Variants in SLC5A3 observed in about 807,000 individuals in gnomAD.
SLC5A3 encodes solute carrier family 5 member 3.
A neutral mutation model predicts 43.2 loss-of-function variants in SLC5A3; 10 were observed. The observed-to-expected ratio is 0.23, with a 90% confidence interval of 0.14 to 0.39. SLC5A3 has a LOEUF of 0.39. SLC5A3 is among the 10% of genes least tolerant of loss of function. The pLI is 1.00. For missense variants in SLC5A3, 608 were observed against 893.4 expected (o/e 0.68, Z 4.07); for synonymous variants, 349 against 322.0 (o/e 1.08, Z -0.90).
chr21:34,088,854 CTTAGG>C (rs1367825047), intron 1 of SLC5A3, among the ~76,000 whole-genome samples: 5 of 151,374 alleles, frequency 3.3e-5, no homozygotes, highest in African/African-American at 7.3e-5. Context: ...GGTGTTAGGA[CTTAGG>C]TTAGTGTAAG....
intron 1 of SLC5A3, among the ~76,000 whole-genome samples, chr21:34,078,349 G>A (rs1325364261): frequency 6.6e-6 from 1 of 152,138 alleles, no homozygotes; most frequent in Non-Finnish European, 1.5e-5. Context: ...TATTGAAGAA[G>A]GAAGGAGTCC....
rs80046109 is a variant in SLC5A3 at position 34,082,447 on chromosome 21, G to A, written c.-337+8702G>A. 1.7e-3 allele frequency among the ~76,000 whole-genome samples: 254 copies of A among 152,162 alleles called. 1 individual carries two copies. The highest frequency in any genetic ancestry group is 5.9e-3 in the African/African-American group (245 of 41,468). On this transcript the variant is annotated intron_variant, in intron 1 of 1. Transcript: ENST00000381151. Reference sequence around the variant, plus strand: ...GATATCTTGTTTTAGGCATGTATTAGTACTATTTGGTTTGTACCCGTTGTA... The same window carrying A: ...GATATCTTGTTTTAGGCATGTATTAATACTATTTGGTTTGTACCCGTTGTA...
chr21:34,095,380 G>T lies in SLC5A3; in HGVS notation c.182G>T (p.Gly61Val). The change falls in exon 2 of 2, where the codon GGG (glycine) becomes GTG (valine). Residue 61 changes from glycine to valine, a missense_variant. Gly to Val is a moderately radical substitution (Grantham distance 109, BLOSUM62 -3). This residue lies in a region of SLC5A3 where 398 missense variants were observed against 668.6 expected (regional missense o/e 0.60). Coordinates refer to ENST00000381151, the MANE Select transcript of SLC5A3 (RefSeq NM_006933.7). Reference protein sequence around the residue: ...IGASLFVSNIGSEHFIGLAGS... With the variant: ...IGASLFVSNIVSEHFIGLAGS... ...GCCTCTCTGTTTGTGAGCAATATTG[G>T]GAGTGAGCACTTCATTGGGCTGGCA... The T allele has an allele frequency of 6.2e-7, 1 of 1,614,124 alleles. No individual in the cohort carries two copies. Among genetic ancestry groups the T allele is most frequent in the Non-Finnish European group, 8.5e-7 (1 of 1,180,004 alleles).
At position 34,103,196 on chromosome 21, in the gene SLC5A3, G is replaced by A. The variant is rs1979324043; in HGVS notation, c.*5841G>A. The stretch of plus-strand genomic sequence containing the variant: ...TATAACCAGCTTTTGAAATTTATGT[G>A]TTTGGATTAGTGCCTTCTGGTTACC... On this transcript the variant is annotated 3_prime_UTR_variant, in exon 2 of 2. Transcript: ENST00000381151. The A allele has an allele frequency of 1.0e-6, 1 of 999,626 alleles. No individual in the cohort carries two copies. The highest frequency in any genetic ancestry group is 1.8e-5 in the African/African-American group (1 of 57,090). 61.9% of individuals were successfully genotyped at this position (999,626 alleles called of 1,614,324 possible).
Position 34,099,518 on chromosome 21 carries a change from A to G in SLC5A3, c.*2163A>G, listed in dbSNP as rs1979134205. 1.0e-6 allele frequency: 1 copy of G among 998,462 alleles called. No individual in the cohort carries two copies. Among genetic ancestry groups the G allele is most frequent in the Non-Finnish European group, 1.2e-6 (1 of 828,536 alleles). The allele number at this position is 998,462 out of a possible 1,614,324, so 61.9% of individuals were successfully genotyped here. On this transcript the variant is annotated 3_prime_UTR_variant, in exon 2 of 2. Transcript: ENST00000381151. ...ACTAAAATTTTCTTTGAACCACATT[A>G]CTGTGTAATTCACTGATAATTGACA...
At chr21:34,081,610 C>T (rs1312795289) in intron 1 of SLC5A3, among the ~76,000 whole-genome samples, 2 of 152,116 alleles carry the variant, frequency 1.3e-5, no homozygotes, top group Non-Finnish European at 2.9e-5. Context: ...TGGATTGTAG[C>T]ACCTACTTCC....
In SLC5A3 at chr21:34,095,501, C is replaced by T. The variant is rs371000130; in HGVS notation, c.303C>T (p.Tyr101=). Reference sequence around the variant, plus strand: ...TGGGATGGGTTTTCATCCCAATTTACATCCGGTCAGGGGTATATACCATGC... The same window carrying T: ...TGGGATGGGTTTTCATCCCAATTTATATCCGGTCAGGGGTATATACCATGC... The part of the protein sequence containing the change: ...QLLGWVFIPI[Y]IRSGVYTMPE... Residue 101 remains tyrosine (Y), a synonymous_variant, in exon 2 of 2, where the codon TAC becomes TAT. Coordinates refer to ENST00000381151, the MANE Select transcript of SLC5A3 (RefSeq NM_006933.7). 3.1e-6 allele frequency: 5 copies of T among 1,614,082 alleles called. No individual in the cohort carries two copies. In the Admixed American group the frequency reaches 6.7e-5, roughly 22 times the overall value.
intron 1 of SLC5A3, among the ~76,000 whole-genome samples, chr21:34,082,022 C>A (rs1469808910): frequency 1.3e-5 from 2 of 151,280 alleles, no homozygotes; most frequent in African/African-American, 4.9e-5. Context: ...CTTCCTCCTA[C>A]CAGCCAGAAA....
At position 34,103,775 on chromosome 21, in the gene SLC5A3, A is replaced by G. The variant is rs1243721343; in HGVS notation, c.*6420A>G. The G allele has an allele frequency of 1.2e-5, 12 of 999,946 alleles. No homozygotes were observed. The highest frequency in any genetic ancestry group is 4.7e-5 in the South Asian group (1 of 21,288). 61.9% of individuals were successfully genotyped at this position (999,946 alleles called of 1,614,324 possible). A position where few individuals can be genotyped will look rare whatever the true frequency, so the allele number is the denominator to read the frequency against. ...TAAGGGACCCAAAGGAATAATCTCA[A>G]TAAGTTTGTACCACATTGATGGAGG... is the stretch of plus-strand genomic sequence containing the variant. On this transcript the variant is annotated 3_prime_UTR_variant, in exon 2 of 2. Coordinates refer to ENST00000381151, the MANE Select transcript of SLC5A3 (RefSeq NM_006933.7).
intron 1 of SLC5A3, among the ~76,000 whole-genome samples, chr21:34,074,877 T>G (rs147383753): frequency 6.3e-4 from 96 of 152,226 alleles, no homozygotes; most frequent in South Asian, 3.1e-3. Context: ...GTCGGGAGAT[T>G]GTTAGGAAGT....
In SLC5A3 at chr21:34,100,092, A is replaced by G; in HGVS notation, c.*2737A>G. On this transcript the variant is annotated 3_prime_UTR_variant, in exon 2 of 2. Coordinates refer to ENST00000381151, the MANE Select transcript of SLC5A3 (RefSeq NM_006933.7). Reference sequence around the variant, plus strand: ...ATTAACATGTGTATATTTTTATATTAGCTCAAGCTAAGGTTCAGAATTGAA... The same window carrying G: ...ATTAACATGTGTATATTTTTATATTGGCTCAAGCTAAGGTTCAGAATTGAA... 1 of 999,116 alleles carries G rather than the reference A, an allele frequency of 1.0e-6. No individual in the cohort carries two copies. 61.9% of individuals were successfully genotyped at this position (999,116 alleles called of 1,614,324 possible).
At chr21:34,074,239 C>G (rs902546739) in intron 1 of SLC5A3, among the ~76,000 whole-genome samples, 1 of 151,548 alleles carries the variant, frequency 6.6e-6, no homozygotes, top group African/African-American at 2.4e-5. Context: ...GCCCGCCGGC[C>G]GCCCGGAACG....
At chr21:34,091,378 A>G (rs575194823) in intron 1 of SLC5A3, among the ~76,000 whole-genome samples, 1 of 152,228 alleles carries the variant, frequency 6.6e-6, no homozygotes, top group South Asian at 2.1e-4. Flanking sequence ...TTTTTTTGAT[A>G]GAGTGCCCAT....
In SLC5A3 at chr21:34,102,748, G is replaced by A. The variant is rs528076308; in HGVS notation, c.*5393G>A. 23 of 1,000,092 alleles carry A rather than the reference G, an allele frequency of 2.3e-5. No individual in the cohort carries two copies. The African/African-American group carries it at 3.8e-4, about 17-fold the overall frequency. The allele number at this position is 1,000,092 out of a possible 1,614,324, so 62.0% of individuals were successfully genotyped here. Reference sequence around the variant, plus strand: ...AGTGGTCTCAGATTTTTCGTAGTGTGGGAACAGTGGTTTTGCTCTATACCA... The same window carrying A: ...AGTGGTCTCAGATTTTTCGTAGTGTAGGAACAGTGGTTTTGCTCTATACCA... On this transcript the variant is annotated 3_prime_UTR_variant, in exon 2 of 2. Transcript: ENST00000381151.
Position 34,101,930 on chromosome 21 carries a change from G to A in SLC5A3, c.*4575G>A. ...GCCCCTTTGAAATGATGGTGTCAGA[G>A]TGCAGAGAAACAATGGAGTTTTGAT... On this transcript the variant is annotated 3_prime_UTR_variant, in exon 2 of 2. Coordinates refer to ENST00000381151, the MANE Select transcript of SLC5A3 (RefSeq NM_006933.7). 1.0e-6 allele frequency: 1 copy of A among 1,000,144 alleles called. No homozygotes were observed. Among genetic ancestry groups the A allele is most frequent in the African/African-American group, 1.7e-5 (1 of 57,346 alleles). The allele number at this position is 1,000,144 out of a possible 1,614,324, so 62.0% of individuals were successfully genotyped here. A position where few individuals can be genotyped will look rare whatever the true frequency, so the allele number is the denominator to read the frequency against.
In SLC5A3 at chr21:34,093,113, C is replaced by T. The variant is rs191276527; in HGVS notation, c.-336-1750C>T. Among the ~76,000 whole-genome samples, 16 of 152,216 alleles carry T rather than the reference C, an allele frequency of 1.1e-4. No homozygotes were observed. In the East Asian group the frequency reaches 1.9e-3, roughly 18 times the overall value. ...TTATTAAAAATTTAGATGATTCGTC[C>T]TACATAATGTCAAAGCATTTGTTTA... is the stretch of plus-strand genomic sequence containing the variant. On this transcript the variant is annotated intron_variant, in intron 1 of 1. Coordinates refer to ENST00000381151, the MANE Select transcript of SLC5A3 (RefSeq NM_006933.7).
At chr21:34,079,333 G>A (rs77431349) in intron 1 of SLC5A3, among the ~76,000 whole-genome samples, 2 of 152,226 alleles carry the variant, frequency 1.3e-5, no homozygotes, top group Non-Finnish European at 2.9e-5. Flanking sequence ...AAATGTGCCA[G>A]CCCCTGATTT....
At chr21:34,074,970 T>C (rs1425782228) in intron 1 of SLC5A3, among the ~76,000 whole-genome samples, 1 of 152,184 alleles carries the variant, frequency 6.6e-6, no homozygotes, top group Non-Finnish European at 1.5e-5. Flanking sequence ...TGCCATTGTG[T>C]CCCCCAGCTT....
At chr21:34,084,471 C>T (rs1396814823) in intron 1 of SLC5A3, among the ~76,000 whole-genome samples, 3 of 152,034 alleles carry the variant, frequency 2.0e-5, no homozygotes, top group Admixed American at 2.0e-4. Context: ...TTGAGGGAGG[C>T]TAGATGAGTT....
Sources: allele counts gnomAD v4.1 joint callset (sites outside exome capture counted in the v4.1 genomes callset), GRCh38; gene constraint gnomAD v4.1.1; regional missense constraint gnomAD v4.1.1; transcripts MANE v1.5; gene names NCBI Gene and HGNC (gene_info 2026-07-23, HGNC 2026-07-21).